The following RBFOX3 variants were observed in gnomAD, a reference collection of about 807,000 sequenced individuals.
RBFOX3 encodes the protein RNA binding fox-1 homolog 3, also known as RNA binding protein fox-1 homolog 3.
Under a neutral mutation model 48.7 loss-of-function variants are expected in RBFOX3, and 17 were observed. The observed-to-expected ratio is 0.35, with a 90% CI of 0.24 to 0.52. The LOEUF (loss-of-function observed/expected upper bound fraction) is 0.52. Among genes scored for constraint, RBFOX3 ranks in the 20% least tolerant of loss-of-function variants. The pLI, the probability that RBFOX3 is intolerant of heterozygous loss-of-function variation, is 0.94. For missense variants in RBFOX3, 382 were observed against 497.5 expected, an observed-to-expected ratio of 0.77 and a Z score of 2.21; for synonymous variants, 212 against 209.5, an observed-to-expected ratio of 1.01 and a Z score of -0.10.
chr17:79,470,888 G>A (rs928311343), intron 2 of RBFOX3, among the ~76,000 whole-genome samples: 18 of 152,204 alleles, frequency 1.2e-4, no homozygotes, highest in Non-Finnish European at 2.4e-4. Context: ...GGAGTCTTCC[G>A]GGGAAAATGT....
intron 2 of RBFOX3, among the ~76,000 whole-genome samples, chr17:79,476,083 G>T (rs1008081328): frequency 6.6e-6 from 1 of 152,240 alleles, no homozygotes; most frequent in South Asian, 2.1e-4. Flanking sequence ...GGGGGCCACT[G>T]ACACCCTGAG....
At chr17:79,552,412 A>G (rs1350646851) in intron 1 of RBFOX3, among the ~76,000 whole-genome samples, 1 of 152,116 alleles carries the variant, frequency 6.6e-6, no homozygotes, top group Non-Finnish European at 1.5e-5. Context: ...TCACACTGCA[A>G]CCTCACCCTG....
At chr17:79,253,224 C>T (rs2064250107) in intron 3 of RBFOX3, among the ~76,000 whole-genome samples, 1 of 152,174 alleles carries the variant, frequency 6.6e-6, no homozygotes, top group African/African-American at 2.4e-5. Context: ...AGACGGGGCT[C>T]ATCTTTCCCC....
intron 1 of RBFOX3, among the ~76,000 whole-genome samples, chr17:79,595,365 C>T (rs1057109751): frequency 6.6e-6 from 1 of 152,194 alleles, no homozygotes; most frequent in African/African-American, 2.4e-5. Context: ...TCGCTGGGCA[C>T]CTGCTTTGTG....
intron 4 of RBFOX3, among the ~76,000 whole-genome samples, chr17:79,162,459 G>GTCACATT: frequency 6.6e-6 from 1 of 152,334 alleles, no homozygotes; most frequent in Admixed American, 6.5e-5. Context: ...CAGTGTGGCT[G>GTCACATT]TCACATGTCA....
chr17:79,184,331 C>G lies in RBFOX3; in HGVS notation c.-34+51435G>C, dbSNP rs2052948598. On this transcript the variant is annotated intron_variant, in intron 4 of 14. Coordinates refer to ENST00000693108, the MANE Select transcript of RBFOX3 (RefSeq NM_001350451.2). ...CGGGCACCGGCCACAATGCATCCTC[C>G]CCTCCCTGTACCCAGACACACTGGA... 2.6e-5 allele frequency among the ~76,000 whole-genome samples: 4 copies of G among 152,294 alleles called. No homozygotes were observed. The South Asian group carries it at 8.3e-4, about 32-fold the overall frequency.
chr17:79,323,752 G>A (rs530901967), intron 2 of RBFOX3, among the ~76,000 whole-genome samples: 2 of 152,390 alleles, frequency 1.3e-5, no homozygotes, highest in African/African-American at 4.8e-5. Flanking sequence ...GCTGGCGAGA[G>A]AGGCATGTTC....
chr17:79,311,990 C>A lies in RBFOX3; in HGVS notation c.-174-4166G>T, dbSNP rs1334344643. 6.6e-6 allele frequency among the ~76,000 whole-genome samples: 1 copy of A among 152,208 alleles called. No individual in the cohort carries two copies. Among genetic ancestry groups the A allele is most frequent in the Non-Finnish European group, 1.5e-5 (1 of 68,036 alleles). On this transcript the variant is annotated intron_variant, in intron 2 of 14. Coordinates refer to ENST00000693108, the MANE Select transcript of RBFOX3 (RefSeq NM_001350451.2). This position sits in a 1 kb window ranked among gnomAD's most constrained non-coding sequence, Gnocchi z 4.2. ...CCCCGTCAGAGCTGACATTTCAGGA[C>A]AGGCATCTGCCCTCTCCCTTCTCCT...
At chr17:79,642,913 T>C in the RBFOX3 span, among the ~76,000 whole-genome samples, 6 of 152,210 alleles carry the variant, frequency 3.9e-5, no homozygotes, top group South Asian at 2.1e-4. Context: ...AAAATGAGCC[T>C]GAGCAACATA....
At chr17:79,460,768 T>TAG (rs2075270244) in intron 2 of RBFOX3, among the ~76,000 whole-genome samples, 1 of 152,168 alleles carries the variant, frequency 6.6e-6, no homozygotes. Context: ...CTCATGCTCT[T>TAG]TTGCCCTTCC....
chr17:79,566,431 A>G (rs1229918524), intron 1 of RBFOX3, among the ~76,000 whole-genome samples: 3 of 152,326 alleles, frequency 2.0e-5, no homozygotes, highest in Admixed American at 6.5e-5. Flanking sequence ...GCATGCAGGA[A>G]AACTGGTAAG....
intron 1 of RBFOX3, among the ~76,000 whole-genome samples, chr17:79,497,468 G>C (rs1354031066): frequency 6.6e-6 from 1 of 152,180 alleles, no homozygotes; most frequent in Admixed American, 6.5e-5. Flanking sequence ...AATCATCAAT[G>C]TAATGATAAG....
chr17:79,322,135 TG>T (rs1385544922), intron 2 of RBFOX3, among the ~76,000 whole-genome samples: 1 of 150,604 alleles, frequency 6.6e-6, no homozygotes, highest in East Asian at 1.9e-4. Context: ...AAAAAAGAGA[TG>T]GGTGTGATGA....
intron 2 of RBFOX3, among the ~76,000 whole-genome samples, chr17:79,461,037 A>G (rs372366173): frequency 6.6e-6 from 1 of 152,252 alleles, no homozygotes; most frequent in Non-Finnish European, 1.5e-5. Context: ...ACCCACTCAA[A>G]AGCCTTTCCA....
the RBFOX3 span, among the ~76,000 whole-genome samples, chr17:79,650,529 A>T: frequency 5.3e-5 from 8 of 152,088 alleles, no homozygotes; most frequent in Non-Finnish European, 7.4e-5. Flanking sequence ...GCGCATTTCC[A>T]CTAGGACGTG....
the RBFOX3 span, among the ~76,000 whole-genome samples, chr17:79,619,926 A>G: frequency 1.3e-5 from 2 of 152,200 alleles, no homozygotes; most frequent in African/African-American, 4.8e-5. Flanking sequence ...GAAAAATAAC[A>G]AAAACAGCAA....
intron 3 of RBFOX3, among the ~76,000 whole-genome samples, chr17:79,272,169 T>G (rs1362525524): frequency 1.3e-5 from 2 of 152,152 alleles, no homozygotes; most frequent in African/African-American, 4.8e-5. Flanking sequence ...CAGTCCAGGC[T>G]TAGAGACCAG....
intron 2 of RBFOX3, among the ~76,000 whole-genome samples, chr17:79,355,952 C>A (rs1003657962): frequency 2.6e-5 from 4 of 152,214 alleles, no homozygotes; most frequent in Non-Finnish European, 5.9e-5. Context: ...GTTTGACATC[C>A]TTATGTAATA....
chr17:79,180,500 G>A (rs140796477), intron 4 of RBFOX3, among the ~76,000 whole-genome samples: 1 of 152,216 alleles, frequency 6.6e-6, no homozygotes, highest in Non-Finnish European at 1.5e-5. Context: ...AGGACCTGCA[G>A]CCCCCACCTG....
Sources: allele counts gnomAD v4.1 joint callset (sites outside exome capture counted in the v4.1 genomes callset), GRCh38; gene constraint gnomAD v4.1.1; non-coding constraint Gnocchi (gnomAD v3.1); transcripts MANE v1.5; gene names NCBI Gene and HGNC (gene_info 2026-07-23, HGNC 2026-07-21).